Variants in TCP11L1 observed in about 807,000 individuals in gnomAD.
The protein encoded by TCP11L1 is T-complex protein 11-like protein 1.
TCP11L1 carries 28 observed loss-of-function variants against 48.9 expected under a neutral mutation model. The ratio of observed to expected loss-of-function variants is 0.57; its 90% CI spans 0.42 to 0.78. TCP11L1 has a LOEUF of 0.78. Ranked by LOEUF, TCP11L1 falls within the 30% of genes least tolerant of loss-of-function variation. The probability of loss-of-function intolerance (pLI) is 0.00; values close to 1 mark genes in which losing one functional copy is unlikely to be tolerated. For synonymous variants in TCP11L1, 204 were observed against 231.9 expected (o/e 0.88, Z 1.09); for missense variants, 505 against 613.4 (o/e 0.82, Z 1.87).
At chr11:33,053,879 G>C (rs1301690581) in intron 2 of TCP11L1, among the ~76,000 whole-genome samples, 1 of 152,022 alleles carries the variant, frequency 6.6e-6, no homozygotes, top group Non-Finnish European at 1.5e-5. Flanking sequence ...ACCCAGGCTT[G>C]AGTGCAGTGA....
intron 2 of TCP11L1, 139 bp downstream of exon 2, chr11:33,044,075 C>G (rs1590218366): frequency 1.2e-6 from 1 of 808,098 alleles, no homozygotes; most frequent in East Asian, 2.9e-5. Flanking sequence ...GGAATAATAG[C>G]AGTTCCTCAG....
At chr11:33,055,963 G>A (rs942488217) in intron 3 of TCP11L1, among the ~76,000 whole-genome samples, 1 of 152,036 alleles carries the variant, frequency 6.6e-6, no homozygotes, top group Non-Finnish European at 1.5e-5. Context: ...GATTATAGGC[G>A]TGCGCCACCA....
chr11:33,067,662 G>C (rs1008258786), intron 8 of TCP11L1, among the ~76,000 whole-genome samples: 1 of 152,148 alleles, frequency 6.6e-6, no homozygotes, highest in Non-Finnish European at 1.5e-5. Context: ...ATCCTCCCTG[G>C]TCCTCCAGGG....
chr11:33,056,664 G>A (rs1466427300), intron 3 of TCP11L1: 3 of 249,934 alleles, frequency 1.2e-5, no homozygotes, highest in Non-Finnish European at 2.5e-5. Flanking sequence ...GGCTGATCTC[G>A]AACTCCTCAC....
chr11:33,053,930 C>T (rs1854237202), intron 2 of TCP11L1, among the ~76,000 whole-genome samples: 1 of 152,142 alleles, frequency 6.6e-6, no homozygotes, highest in Non-Finnish European at 1.5e-5. Context: ...ATCCTCCAGC[C>T]TCAACCTCCT....
At chr11:33,054,541 T>C in intron 2 of TCP11L1, 52 bp from the exon 3 acceptor site, 1 of 1,581,206 alleles carries the variant, frequency 6.3e-7, no homozygotes, top group East Asian at 2.3e-5. Context: ...CTTATTTTAG[T>C]AGAAATTCAG....
At chr11:33,057,818 C>T (rs113530504) in intron 4 of TCP11L1, 101 bp from the exon 5 acceptor site, 132 of 956,030 alleles carry the variant, frequency 1.4e-4, no homozygotes, top group Middle Eastern at 6.7e-4. Flanking sequence ...TGCAATATTA[C>T]GTAGCAATTG....
rs905423028 is a variant in TCP11L1 at position 33,039,633 on chromosome 11, T to C, written c.-184T>C. ...TGACCGCTGCCCACCCGAGTCGGGC[T>C]GGGAGGACCGCCCGCCGCGTGGCGA... On this transcript the variant is annotated 5_prime_UTR_variant, in exon 1 of 10. Coordinates refer to ENST00000334274, the MANE Select transcript of TCP11L1 (RefSeq NM_018393.4). The C allele has an allele frequency of 6.6e-5, 10 of 152,258 alleles. No homozygotes were observed. Among genetic ancestry groups the C allele is most frequent in the Non-Finnish European group, 1.0e-4 (7 of 68,082 alleles). 9.4% of individuals were successfully genotyped at this position (152,258 alleles called of 1,614,324 possible).
chr11:33,066,022 C>T lies in TCP11L1; in HGVS notation c.1154+11C>T. Reference sequence around the variant, plus strand: ...AGATATGCACCTGCCGTAAGTGGAACTTTGATGCGTGGATGGGACGCAGTG... The same window carrying T: ...AGATATGCACCTGCCGTAAGTGGAATTTTGATGCGTGGATGGGACGCAGTG... On this transcript the variant is annotated intron_variant, in intron 8 of 9. Coordinates refer to ENST00000334274, the MANE Select transcript of TCP11L1 (RefSeq NM_018393.4). 6.2e-7 allele frequency: 1 copy of T among 1,613,492 alleles called. No homozygotes were observed. Among genetic ancestry groups the T allele is most frequent in the South Asian group, 1.1e-5 (1 of 90,992 alleles).
chr11:33,072,371 A>G, intron 9 of TCP11L1, 103 bp from the exon 10 acceptor site: 4 of 1,215,088 alleles, frequency 3.3e-6, no homozygotes, highest in Non-Finnish European at 4.8e-6. Flanking sequence ...TTGATCGGGG[A>G]CAACTTCCCC....
intron 2 of TCP11L1, among the ~76,000 whole-genome samples, chr11:33,046,942 G>GCCAGGCGCATTGGCT (rs1854013557): frequency 6.9e-6 from 1 of 144,884 alleles, no homozygotes; most frequent in Admixed American, 6.9e-5. Context: ...GAGTTGCTAG[G>GCCAGGCGCATTGGCT]CCAGGCGCAT....
intron 2 of TCP11L1, among the ~76,000 whole-genome samples, chr11:33,044,594 T>A (rs2133691674): frequency 6.6e-6 from 1 of 152,358 alleles, no homozygotes; most frequent in Non-Finnish European, 1.5e-5. Context: ...ATGTTATCCC[T>A]TTAAATTGTA....
intron 5 of TCP11L1, among the ~76,000 whole-genome samples, chr11:33,058,439 T>A (rs186273517): frequency 8.5e-4 from 129 of 152,096 alleles, no homozygotes; most frequent in Middle Eastern, 6.8e-3. Context: ...CCTCACGTGA[T>A]TGGCTGCCTT....
Position 33,057,970 on chromosome 11 carries a change from A to G in TCP11L1, c.469A>G (p.Thr157Ala). The G allele has an allele frequency of 6.2e-7, 1 of 1,614,124 alleles. No homozygotes were observed. The highest frequency in any genetic ancestry group is 8.5e-7 in the Non-Finnish European group (1 of 1,180,020). Residue 157 changes from threonine to alanine, a missense_variant, in exon 5 of 10, where the codon ACA (threonine) becomes GCA (alanine). Physicochemically the swap from Thr to Ala is moderately conservative, Grantham distance 58 (BLOSUM62 0). Coordinates refer to ENST00000334274, the MANE Select transcript of TCP11L1 (RefSeq NM_018393.4). ...TCATACTAGACTGAGAAACCAGATA[A>G]CAGAAGTCTTGGATCTGGATCTGAT... The part of the protein sequence containing the change: ...PGHTRLRNQI[T>A]EVLDLDLIKQ...
chr11:33,066,833 C>A (rs925237344), intron 8 of TCP11L1, among the ~76,000 whole-genome samples: 5 of 152,096 alleles, frequency 3.3e-5, no homozygotes, highest in Non-Finnish European at 5.9e-5. Context: ...GTGACTAGGA[C>A]CTGCAGTAAG....
intron 2 of TCP11L1, among the ~76,000 whole-genome samples, chr11:33,047,049 A>C (rs4275606): frequency 0.85 from 128,623 of 151,604 alleles, 54,784 homozygotes; most frequent in Middle Eastern, 0.95. Flanking sequence ...ATGGTGAAAC[A>C]CTGTTTCTAC....
intron 2 of TCP11L1, among the ~76,000 whole-genome samples, chr11:33,050,549 T>C (rs73487381): frequency 0.29 from 44,730 of 152,056 alleles, 6,964 homozygotes; most frequent in East Asian, 0.41. Context: ...GAACTGGGTG[T>C]GCACCTATAG....
At chr11:33,072,035 G>A (rs759340986) in intron 9 of TCP11L1, among the ~76,000 whole-genome samples, 3 of 152,016 alleles carry the variant, frequency 2.0e-5, no homozygotes, top group Non-Finnish European at 4.4e-5. Context: ...TAGTAGAGAC[G>A]GGGCTTCACC....
intron 3 of TCP11L1, 118 bp from the exon 4 acceptor site, chr11:33,056,997 G>A: frequency 1.4e-6 from 2 of 1,388,322 alleles, no homozygotes; most frequent in Admixed American, 2.2e-5. Flanking sequence ...ATCTTTCCTT[G>A]GTCCAAATCA....
Sources: gnomAD v4.1 joint callset for allele counts (sites outside exome capture counted in the v4.1 genomes callset) on GRCh38, gnomAD v4.1.1 for gene constraint, MANE v1.5 for transcripts, NCBI Gene and HGNC (gene_info 2026-07-23, HGNC 2026-07-21) for gene names.